Variants in MARCHF1 observed in about 807,000 individuals in gnomAD.
The protein encoded by MARCHF1 is membrane associated ring-CH-type finger 1.
MARCHF1 carries 40 observed loss-of-function variants against 54.2 expected under a neutral mutation model. The observed-to-expected ratio is 0.74, with a 90% CI of 0.57 to 0.96. MARCHF1 has a LOEUF of 0.96. Ranked by LOEUF, MARCHF1 falls within the 40% of genes least tolerant of loss-of-function variation. The pLI, the probability that MARCHF1 is intolerant of heterozygous loss-of-function variation, is 0.00. For synonymous variants in MARCHF1, 236 were observed against 236.3 expected (o/e 1.00, Z 0.01); for missense variants, 586 against 656.5 (o/e 0.89, Z 1.17).
chr4:164,211,333 A>ATGTATG (rs1291195873), intron 1 of MARCHF1, among the ~76,000 whole-genome samples: 1 of 18,716 alleles, frequency 5.3e-5, no homozygotes, highest in African/African-American at 1.3e-4. Flanking sequence ...GTATGTATGT[A>ATGTATG]TATATATATA....
At chr4:163,822,364 T>C (rs1748716404) in intron 4 of MARCHF1, among the ~76,000 whole-genome samples, 1 of 151,940 alleles carries the variant, frequency 6.6e-6, no homozygotes, top group East Asian at 1.9e-4. Context: ...GCAATCTATG[T>C]ATTTGCCAAT....
At chr4:164,213,203 T>TTTATTATTATTATTATTATTA (rs200182175) in intron 1 of MARCHF1, among the ~76,000 whole-genome samples, 18 of 141,794 alleles carry the variant, frequency 1.3e-4, no homozygotes, top group Admixed American at 8.5e-4. Flanking sequence ...GGCTTTTACT[T>TTTATTATTATTATTATTATTA]TTATTATTAT....
At chr4:163,972,645 C>G (rs1356597317) in intron 3 of MARCHF1, among the ~76,000 whole-genome samples, 5 of 151,988 alleles carry the variant, frequency 3.3e-5, no homozygotes, top group Non-Finnish European at 7.4e-5. Flanking sequence ...CTCCTGGGTT[C>G]ACGCCATTCT....
chr4:164,147,699 C>T (rs1178425747), intron 1 of MARCHF1, among the ~76,000 whole-genome samples: 1 of 138,862 alleles, frequency 7.2e-6, no homozygotes, highest in Non-Finnish European at 1.5e-5. Flanking sequence ...GGAGGGATAG[C>T]ATTGGGAGAT....
intron 1 of MARCHF1, among the ~76,000 whole-genome samples, chr4:164,257,338 T>C (rs1579666677): frequency 1.3e-5 from 2 of 152,204 alleles, no homozygotes; most frequent in Admixed American, 1.3e-4. Context: ...GTTTCTCTTA[T>C]GAATACAATA....
intron 1 of MARCHF1, among the ~76,000 whole-genome samples, chr4:164,379,837 A>G (rs1280954408): frequency 6.6e-6 from 1 of 152,084 alleles, no homozygotes; most frequent in Non-Finnish European, 1.5e-5. Context: ...TTAGCCAGGC[A>G]TGGTGCTAGT....
Position 163,699,329 on chromosome 4 carries a change from T to C in MARCHF1, c.162+1484A>G, listed in dbSNP as rs553399949. On this transcript the variant is annotated intron_variant, in intron 5 of 9. Coordinates refer to ENST00000514618, the MANE Select transcript of MARCHF1 (RefSeq NM_001394959.1). ...GCAAGACAGAGATATGGTCTCCCTA[T>C]GGAGGAATGGCAGGCATGCTTACTC... is the stretch of plus-strand genomic sequence containing the variant. Among the ~76,000 whole-genome samples, 3 of 152,338 alleles carry C rather than the reference T, an allele frequency of 2.0e-5. 1 individual carries two copies. The South Asian group carries it at 6.2e-4, about 32-fold the overall frequency.
chr4:163,798,340 G>T (rs1439130149), intron 4 of MARCHF1, among the ~76,000 whole-genome samples: 1 of 152,114 alleles, frequency 6.6e-6, no homozygotes, highest in African/African-American at 2.4e-5. Context: ...CCTGATTTTA[G>T]ATTTTGTAGT....
At chr4:164,211,903 G>T (rs1731784780) in intron 1 of MARCHF1, among the ~76,000 whole-genome samples, 1 of 152,070 alleles carries the variant, frequency 6.6e-6, no homozygotes, top group Admixed American at 6.6e-5. Flanking sequence ...TATGGAGGAT[G>T]CTCCAACATG....
chr4:164,014,245 G>T (rs1394431084), intron 2 of MARCHF1, among the ~76,000 whole-genome samples: 1 of 151,582 alleles, frequency 6.6e-6, no homozygotes. Context: ...ATGAGGACAG[G>T]GTGGAATAAA....
chr4:163,994,788 C>T (rs1011700114), intron 2 of MARCHF1, among the ~76,000 whole-genome samples: 33 of 19,348 alleles, frequency 1.7e-3, no homozygotes, highest in Non-Finnish European at 5.9e-3. Context: ...CACACACACA[C>T]ACACACAAAA....
At chr4:163,700,528 A>G (rs113461002) in intron 5 of MARCHF1, among the ~76,000 whole-genome samples, 122 of 114,532 alleles carry the variant, frequency 1.1e-3, no homozygotes, top group African/African-American at 2.2e-3. Context: ...AAAGAAAGAA[A>G]GAAGGAAGGA....
Position 164,199,632 on chromosome 4 carries a change from TCACACACACACA to T in MARCHF1, c.-322-87982_-322-87971del, listed in dbSNP as rs376565727. Among the ~76,000 whole-genome samples the T allele has an allele frequency of 1.2e-3, 141 of 114,806 alleles. 1 individual carries two copies. The East Asian group carries it at 0.013, about 10-fold the overall frequency. 75.3% of individuals were successfully genotyped at this position (114,806 alleles called of 152,430 possible). A position where few individuals can be genotyped will look rare whatever the true frequency, so the allele number is the denominator to read the frequency against. On this transcript the variant is annotated intron_variant, in intron 1 of 9. Coordinates refer to ENST00000514618, the MANE Select transcript of MARCHF1 (RefSeq NM_001394959.1). ...GCCTGGGTGACAGAGCAGGACTCTG[TCACACACACACA>T]CACACACACACACACACACACACAC...
chr4:163,892,058 G>T (rs1750673311), intron 3 of MARCHF1, among the ~76,000 whole-genome samples: 1 of 151,814 alleles, frequency 6.6e-6, no homozygotes, highest in Non-Finnish European at 1.5e-5. Flanking sequence ...CACTGACATT[G>T]TAACAATTTA....
chr4:163,944,133 A>ATTTTTTTTTTT (rs5863642), intron 3 of MARCHF1, among the ~76,000 whole-genome samples: 15 of 110,104 alleles, frequency 1.4e-4, no homozygotes, highest in African/African-American at 5.1e-4. Context: ...CACCGGGCTA[A>ATTTTTTTTTTT]TTTTTTTTTT....
At chr4:164,232,739 A>G (rs1446709613) in intron 1 of MARCHF1, among the ~76,000 whole-genome samples, 1 of 152,162 alleles carries the variant, frequency 6.6e-6, no homozygotes, top group African/African-American at 2.4e-5. Flanking sequence ...AGTAAAATAA[A>G]TTATTCTTTG....
At chr4:164,091,853 T>C (rs1293200905) in intron 2 of MARCHF1, among the ~76,000 whole-genome samples, 1 of 126,384 alleles carries the variant, frequency 7.9e-6, no homozygotes, top group Non-Finnish European at 1.7e-5. Context: ...GGGAAGTATA[T>C]GTATACTTTT....
At chr4:164,104,013 A>G (rs1755633449) in intron 2 of MARCHF1, among the ~76,000 whole-genome samples, 1 of 151,456 alleles carries the variant, frequency 6.6e-6, no homozygotes, top group South Asian at 2.1e-4. Flanking sequence ...TAGAAAATCT[A>G]GAAGAAATGG....
intron 2 of MARCHF1, among the ~76,000 whole-genome samples, chr4:164,007,163 G>A (rs1372390256): frequency 1.3e-5 from 2 of 150,412 alleles, no homozygotes; most frequent in South Asian, 4.2e-4. Flanking sequence ...TGGCTAGCAC[G>A]GTAAAACCCT....
Sources: allele counts gnomAD v4.1 joint callset (sites outside exome capture counted in the v4.1 genomes callset), GRCh38; gene constraint gnomAD v4.1.1; transcripts MANE v1.5; gene names NCBI Gene and HGNC (gene_info 2026-07-23, HGNC 2026-07-21).